The following PHACTR2 variants were observed in gnomAD, a reference collection of about 807,000 sequenced individuals.
The protein encoded by PHACTR2 is phosphatase and actin regulator 2, also known as chromosome 6 open reading frame 56.
In PHACTR2, 30 loss-of-function variants were observed where a neutral mutation model predicts 76.0. The ratio of observed to expected loss-of-function variants is 0.39; its 90% confidence interval spans 0.30 to 0.54. The LOEUF is 0.54. Ranked by LOEUF, PHACTR2 falls within the 20% of genes least tolerant of loss-of-function variation. The pLI, the probability that PHACTR2 is intolerant of heterozygous loss-of-function variation, is 0.61. For synonymous variants in PHACTR2, 292 were observed against 292.5 expected, an observed-to-expected ratio of 1.00 and a Z score of 0.02; for missense variants, 696 against 781.1, an observed-to-expected ratio of 0.89 and a Z score of 1.30.
Position 143,585,605 on chromosome 6 carries a change from G to A in PHACTR2, c.217+48398G>A, listed in dbSNP as rs1775621711. Among the ~76,000 whole-genome samples the A allele has an allele frequency of 6.6e-6, 1 of 152,156 alleles. No individual in the cohort carries two copies. Among genetic ancestry groups the A allele is most frequent in the African/African-American group, 2.4e-5 (1 of 41,436 alleles). On this transcript the variant is annotated intron_variant, in intron 1 of 11. Coordinates refer to the PHACTR2 transcript ENST00000367584. The surrounding 1 kb of genome is among the most constrained non-coding windows in gnomAD (Gnocchi z 5.2). ...CTGATGGTGTCATCTTGGGAACACT[G>A]TGTTCTGAAAAAGACTAATTGGGAC...
chr6:143,718,875 GTTTTT>G (rs1226236202), intron 2 of PHACTR2, among the ~76,000 whole-genome samples: 5,338 of 122,636 alleles, frequency 0.044, 72 homozygotes, highest in Admixed American at 0.1. Flanking sequence ...AGTTGGAAGT[GTTTTT>G]TTTTTTTTTT....
At chr6:143,748,838 A>C in intron 2 of PHACTR2, 147 bp from the exon 3 acceptor site, 2 of 505,372 alleles carry the variant, frequency 4.0e-6, no homozygotes, top group Non-Finnish European at 6.8e-6. Context: ...GATTCCACTC[A>C]GATCATGTGT....
In PHACTR2 at chr6:143,708,060, A is replaced by G. The variant is rs1778092521; in HGVS notation, c.47-3956A>G. Among the ~76,000 whole-genome samples the G allele has an allele frequency of 6.6e-6, 1 of 152,230 alleles. No homozygotes were observed. Among genetic ancestry groups the G allele is most frequent in the Admixed American group, 6.5e-5 (1 of 15,280 alleles). ...ATACCTCCCACCAGGCTCCACCTCC[A>G]ACACTGAGGATTATAATTTGACATG... On this transcript the variant is annotated intron_variant, in intron 1 of 12. Transcript: ENST00000440869. The surrounding 1 kb of genome is among the most constrained non-coding windows in gnomAD (Gnocchi z 5.5).
In PHACTR2 at chr6:143,684,169, A is replaced by G. The variant is rs7744358; in HGVS notation, c.46+5960A>G. 0.28 allele frequency among the ~76,000 whole-genome samples: 43,262 copies of G among 151,840 alleles called. 6,220 individuals are homozygous for G. Among genetic ancestry groups the G allele is most frequent in the Middle Eastern group, 0.4 (115 of 290 alleles). ...GACCTCTCTCTGCACTCCAGGCTCA[A>G]ATATGCAACTCCCTATTTGACAGGT... On this transcript the variant is annotated intron_variant, in intron 1 of 12. Transcript: ENST00000440869. The surrounding 1 kb of genome is among the most constrained non-coding windows in gnomAD (Gnocchi z 4.3).
chr6:143,686,699 C>A (rs1034861379), intron 1 of PHACTR2, among the ~76,000 whole-genome samples: 1 of 151,958 alleles, frequency 6.6e-6, no homozygotes, highest in Non-Finnish European at 1.5e-5. Context: ...GTTGGCCAGG[C>A]TCGTCTCGAA....
At chr6:143,726,738 A>T (rs576861752) in intron 2 of PHACTR2, among the ~76,000 whole-genome samples, 1 of 152,322 alleles carries the variant, frequency 6.6e-6, no homozygotes, top group East Asian at 1.9e-4. Flanking sequence ...GTTTTATGTT[A>T]ACCATTCTAG....
rs1778981951 is a variant in PHACTR2 at position 143,743,185 on chromosome 6, G to T, written c.215-5800G>T. Reference sequence around the variant, plus strand: ...GGTAGATTTCACCCGAGAGGGATAGGGAAACAGTCTAAATTCTAGGAAGAA... The same window carrying T: ...GGTAGATTTCACCCGAGAGGGATAGTGAAACAGTCTAAATTCTAGGAAGAA... On this transcript the variant is annotated intron_variant, in intron 2 of 12. Coordinates refer to ENST00000440869, the MANE Select transcript of PHACTR2 (RefSeq NM_001100164.2). This position sits in a 1 kb window ranked among gnomAD's most constrained non-coding sequence, Gnocchi z 5.0. Among the ~76,000 whole-genome samples the T allele has an allele frequency of 2.0e-5, 3 of 152,180 alleles. No homozygotes were observed.
rs559855153 is a variant in PHACTR2, at chr6:143,783,521, A to G, written c.1707+241A>G. Among the ~76,000 whole-genome samples the G allele has an allele frequency of 3.2e-4, 48 of 152,316 alleles. 1 individual carries two copies. Among genetic ancestry groups the G allele is most frequent in the South Asian group, 2.9e-3 (14 of 4,824 alleles). ...GTAGTTCCAGCTACTCAGGAGGCTGAGGTGGGAAGATTGCTTCAGCCTGGG... is the reference window on the plus strand; with the variant it reads ...GTAGTTCCAGCTACTCAGGAGGCTGGGGTGGGAAGATTGCTTCAGCCTGGG... On this transcript the variant is annotated intron_variant, in intron 10 of 12. Coordinates refer to ENST00000440869, the MANE Select transcript of PHACTR2 (RefSeq NM_001100164.2). This position sits in a 1 kb window ranked among gnomAD's most constrained non-coding sequence, Gnocchi z 5.2.
intron 1 of PHACTR2, among the ~76,000 whole-genome samples, chr6:143,552,051 C>T (rs977114112): frequency 3.3e-5 from 5 of 152,332 alleles, no homozygotes; most frequent in Middle Eastern, 3.4e-3. Context: ...TCCCTCTCTT[C>T]GAGTTCACTT....
chr6:143,678,969 T>C lies in PHACTR2; in HGVS notation c.46+760T>C, dbSNP rs906172438. The stretch of plus-strand genomic sequence containing the variant: ...AAAAAAAAAAAACTGTTTGGTGGTG[T>C]TACTTGTGATTGGATAAGGAAATAA... On this transcript the variant is annotated intron_variant, in intron 1 of 12. Coordinates refer to ENST00000440869, the MANE Select transcript of PHACTR2 (RefSeq NM_001100164.2). This position sits in a 1 kb window ranked among gnomAD's most constrained non-coding sequence, Gnocchi z 6.2. Among the ~76,000 whole-genome samples, 1 of 151,668 alleles carries C rather than the reference T, an allele frequency of 6.6e-6. No individual in the cohort carries two copies. The highest frequency in any genetic ancestry group is 2.4e-5 in the African/African-American group (1 of 41,228).
Position 143,765,561 on chromosome 6 carries a change from A to C in PHACTR2, c.995A>C (p.Lys332Thr). The change falls in exon 6 of 13, where the codon AAG (lysine) becomes ACG (threonine). Residue 332 changes from lysine to threonine, a missense_variant. Coordinates refer to ENST00000440869, the MANE Select transcript of PHACTR2 (RefSeq NM_001100164.2). This position sits in a 1 kb window ranked among gnomAD's most constrained non-coding sequence, Gnocchi z 4.1. ...GAGGAGCAGAACACAGGCAAATTCA[A>C]GTCCATGGTCCCTCCACCCCCTGTG... is the stretch of plus-strand genomic sequence containing the variant. ...GAEEQNTGKF[K>T]SMVPPPPVAP... 1 of 1,614,182 alleles carries C rather than the reference A, an allele frequency of 6.2e-7. No individual in the cohort carries two copies. The highest frequency in any genetic ancestry group is 8.5e-7 in the Non-Finnish European group (1 of 1,180,010).
rs77523733 is a variant in PHACTR2 at position 143,645,919 on chromosome 6, C to G, written c.13+37597C>G. Among the ~76,000 whole-genome samples, 237 of 151,964 alleles carry G rather than the reference C, an allele frequency of 1.6e-3. 3 individuals are homozygous for G. The East Asian group carries it at 0.024, about 15-fold the overall frequency. On this transcript the variant is annotated intron_variant, in intron 1 of 11. Transcript: ENST00000305766. Reference sequence around the variant, plus strand: ...TATCACTAGAGTGTGGAAGTCATTCCATAATATGACACTAATATCAAAATT... The same window carrying G: ...TATCACTAGAGTGTGGAAGTCATTCGATAATATGACACTAATATCAAAATT...
Position 143,678,943 on chromosome 6 carries a change from A to AC in PHACTR2, c.46+734_46+735insC, listed in dbSNP as rs35208607. Among the ~76,000 whole-genome samples the AC allele has an allele frequency of 6.9e-4, 102 of 147,120 alleles. No individual in the cohort carries two copies. In the East Asian group the frequency reaches 0.018, roughly 27 times the overall value. ...GCATTTCCCCGACAGTGTAGGGATA[A>AC]AAAAAAAAAAAACTGTTTGGTGGTG... On this transcript the variant is annotated intron_variant, in intron 1 of 12. Transcript: ENST00000440869. The surrounding 1 kb of genome is among the most constrained non-coding windows in gnomAD (Gnocchi z 6.2).
rs145530632 is a variant in PHACTR2 at position 143,546,752 on chromosome 6, G to A, written c.217+9545G>A. On this transcript the variant is annotated intron_variant, in intron 1 of 11. Transcript: ENST00000367584. This position sits in a 1 kb window ranked among gnomAD's most constrained non-coding sequence, Gnocchi z 4.9. ...ATAAAGAATGTGATTTAGCCTGGGC[G>A]CAGTGGCTTACACATGTAATCCCAA... Among the ~76,000 whole-genome samples the A allele has an allele frequency of 4.8e-3, 727 of 152,064 alleles. 2 individuals are homozygous for A. The highest frequency in any genetic ancestry group is 8.5e-3 in the Non-Finnish European group (575 of 68,006).
At position 143,581,917 on chromosome 6, in the gene PHACTR2, A is replaced by G. The variant is rs1452968925; in HGVS notation, c.217+44710A>G. On this transcript the variant is annotated intron_variant, in intron 1 of 11. Transcript: ENST00000367584. The surrounding 1 kb of genome is among the most constrained non-coding windows in gnomAD (Gnocchi z 4.5). Reference sequence around the variant, plus strand: ...CCCAGTCTATTTTTTGCAGTTATACATGGGGATGGCAAAAGGCAGAATCCT... The same window carrying G: ...CCCAGTCTATTTTTTGCAGTTATACGTGGGGATGGCAAAAGGCAGAATCCT... Among the ~76,000 whole-genome samples, 4 of 152,142 alleles carry G rather than the reference A, an allele frequency of 2.6e-5. No individual in the cohort carries two copies.
chr6:143,604,239 C>A (rs564518004), upstream of PHACTR2, among the ~76,000 whole-genome samples: 18 of 152,214 alleles, frequency 1.2e-4, no homozygotes, highest in South Asian at 3.7e-3. Context: ...TTGAAATAGT[C>A]AGATAGGCCC....
intron 1 of PHACTR2, among the ~76,000 whole-genome samples, chr6:143,576,875 CAAAAAAAA>C (rs35937662): frequency 4.9e-5 from 5 of 102,558 alleles, no homozygotes; most frequent in East Asian, 7.0e-4. Context: ...GACTCTGTCT[CAAAAAAAA>C]AAAAAAAAAA....
chr6:143,817,404 C>G (rs1056956244), intron 12 of PHACTR2, among the ~76,000 whole-genome samples: 2 of 152,172 alleles, frequency 1.3e-5, no homozygotes, highest in African/African-American at 4.8e-5. Context: ...GTACAATGCA[C>G]TGTGTTGTCA....
rs1453558274 is a variant in PHACTR2 at position 143,697,348 on chromosome 6, A to C, written c.47-14668A>C. Reference sequence around the variant, plus strand: ...TTAGGAGAAAGAAGGTTAAGACTGAAGAAAAATCTGAGATGAGAAAGAAGG... The same window carrying C: ...TTAGGAGAAAGAAGGTTAAGACTGACGAAAAATCTGAGATGAGAAAGAAGG... On this transcript the variant is annotated intron_variant, in intron 1 of 12. Transcript: ENST00000440869. This position sits in a 1 kb window ranked among gnomAD's most constrained non-coding sequence, Gnocchi z 4.4. Among the ~76,000 whole-genome samples the C allele has an allele frequency of 2.0e-5, 3 of 152,242 alleles. No homozygotes were observed. The highest frequency in any genetic ancestry group is 7.2e-5 in the African/African-American group (3 of 41,462).
Sources: allele counts gnomAD v4.1 joint callset (sites outside exome capture counted in the v4.1 genomes callset), GRCh38; gene constraint gnomAD v4.1.1; non-coding constraint Gnocchi (gnomAD v3.1); transcripts MANE v1.5; gene names NCBI Gene and HGNC (gene_info 2026-07-23, HGNC 2026-07-21).